Variants in SPIRE1 observed in about 807,000 individuals in gnomAD.
SPIRE1 encodes the protein protein spire homolog 1.
A neutral mutation model predicts 94.1 loss-of-function variants in SPIRE1; 40 were observed. That is an observed-to-expected ratio of 0.43 (90% confidence interval 0.33 to 0.55). SPIRE1 has a LOEUF of 0.55. SPIRE1 is among the 20% of genes least tolerant of loss of function. The probability of loss-of-function intolerance (pLI) is 0.06; values close to 1 mark genes in which losing one functional copy is unlikely to be tolerated. For synonymous variants in SPIRE1, 376 were observed against 371.7 expected, an observed-to-expected ratio of 1.01 and a Z score of -0.13; for missense variants, 838 against 975.2, an observed-to-expected ratio of 0.86 and a Z score of 1.87.
At chr18:12,655,152 A>C (rs2038503099) in intron 1 of SPIRE1, among the ~76,000 whole-genome samples, 1 of 152,022 alleles carries the variant, frequency 6.6e-6, no homozygotes, top group Non-Finnish European at 1.5e-5. Flanking sequence ...CAGGAGTTCC[A>C]GGCTGCAATG....
At chr18:12,606,437 A>G (rs2036978220) in intron 2 of SPIRE1, among the ~76,000 whole-genome samples, 1 of 152,202 alleles carries the variant, frequency 6.6e-6, no homozygotes, top group Non-Finnish European at 1.5e-5. Flanking sequence ...AAGGTGTCTG[A>G]TAACTTAACT....
intron 2 of SPIRE1, among the ~76,000 whole-genome samples, chr18:12,606,928 A>C (rs1314339809): frequency 6.6e-6 from 1 of 152,220 alleles, no homozygotes; most frequent in African/African-American, 2.4e-5. Context: ...CAATGGAATA[A>C]AACATAATTG....
intron 10 of SPIRE1, among the ~76,000 whole-genome samples, chr18:12,476,564 A>AAT (rs1261493981): frequency 0.011 from 776 of 69,778 alleles, 13 homozygotes; most frequent in South Asian, 0.016. Flanking sequence ...AAAAAAAAAA[A>AAT]ATATATATAT....
upstream of SPIRE1, among the ~76,000 whole-genome samples, chr18:12,660,241 A>G (rs143489549): frequency 2.0e-5 from 3 of 152,326 alleles, no homozygotes; most frequent in East Asian, 3.9e-4. Flanking sequence ...GGAAGTGAGT[A>G]AAGGAAATCC....
At chr18:12,650,217 C>G (rs895048894) in intron 1 of SPIRE1, among the ~76,000 whole-genome samples, 2 of 150,338 alleles carry the variant, frequency 1.3e-5, no homozygotes, top group African/African-American at 4.9e-5. Flanking sequence ...CCAGCCTGGG[C>G]AACAGACTAA....
chr18:12,465,106 G>C (rs1009612295), intron 10 of SPIRE1, 148 bp from the exon 11 acceptor site: 1 of 660,574 alleles, frequency 1.5e-6, no homozygotes. Context: ...AACTAGAAGG[G>C]GTTTCAAACA....
At chr18:12,561,764 T>A (rs12458000) in intron 2 of SPIRE1, among the ~76,000 whole-genome samples, 24,546 of 152,156 alleles carry the variant, frequency 0.16, 2,547 homozygotes, top group Middle Eastern at 0.26. Flanking sequence ...TGGGTCAGAA[T>A]CCTATAATCA....
intron 5 of SPIRE1, among the ~76,000 whole-genome samples, chr18:12,508,712 C>T (rs1429384248): frequency 4.8e-5 from 7 of 147,220 alleles, no homozygotes; most frequent in East Asian, 3.9e-4. Context: ...TTGCTCTTGT[C>T]GCCCCATGTT....
intron 2 of SPIRE1, among the ~76,000 whole-genome samples, chr18:12,573,652 G>A (rs942940777): frequency 5.9e-5 from 9 of 152,092 alleles, no homozygotes; most frequent in African/African-American, 1.9e-4. Context: ...TAACAGTAAT[G>A]ATGGACATGT....
intron 2 of SPIRE1, among the ~76,000 whole-genome samples, chr18:12,575,479 TGGG>T (rs2036071153): frequency 6.6e-6 from 1 of 152,100 alleles, no homozygotes; most frequent in Non-Finnish European, 1.5e-5. Flanking sequence ...CCTGAATAGC[TGGG>T]ACTACAGATG....
Position 12,447,666 on chromosome 18 carries a change from C to T in SPIRE1, c.*1972G>A, listed in dbSNP as rs1017639137. 1 of 152,104 alleles carries T rather than the reference C, an allele frequency of 6.6e-6. No individual in the cohort carries two copies. The highest frequency in any genetic ancestry group is 1.5e-5 in the Non-Finnish European group (1 of 68,020). The allele number at this position is 152,104 out of a possible 1,614,324, so 9.4% of individuals were successfully genotyped here. A position where few individuals can be genotyped will look rare whatever the true frequency, so the allele number is the denominator to read the frequency against. On this transcript the variant is annotated 3_prime_UTR_variant, in exon 17 of 17. Transcript: ENST00000409402. ...GAGGTGATCGTAATGCCCAAATCAT[C>T]CAATACACTATCATAAAGTGAAGTG... is the stretch of plus-strand genomic sequence containing the variant.
intron 12 of SPIRE1, among the ~76,000 whole-genome samples, chr18:12,461,484 A>ATGTATGTACATATGTACGTACATACATG (rs1568183909): frequency 2.1e-4 from 10 of 47,452 alleles, no homozygotes; most frequent in South Asian, 1.1e-3. Flanking sequence ...GTACATACAT[A>ATGTATGTACATATGTACGTACATACATG]TGTGTGTATG....
intron 2 of SPIRE1, among the ~76,000 whole-genome samples, chr18:12,609,137 G>C (rs567100081): frequency 6.6e-6 from 1 of 152,314 alleles, no homozygotes; most frequent in South Asian, 2.1e-4. Flanking sequence ...GCAGAAGGCA[G>C]AGCTCAGGTT....
Position 12,452,470 on chromosome 18 carries a change from C to A in SPIRE1, c.1875+15G>T. The A allele has an allele frequency of 6.2e-7, 1 of 1,614,028 alleles. No homozygotes were observed. The highest frequency in any genetic ancestry group is 8.5e-7 in the Non-Finnish European group (1 of 1,180,026). ...TAAAAGGAACACAAGTATAAATGAA[C>A]CAAGCTTAGCTTACCTTTTTGCAAC... On this transcript the variant is annotated intron_variant, in intron 15 of 16. Coordinates refer to ENST00000409402, the MANE Select transcript of SPIRE1 (RefSeq NM_001128626.2).
intron 10 of SPIRE1, among the ~76,000 whole-genome samples, chr18:12,477,412 C>T (rs181075619): frequency 2.0e-5 from 3 of 151,934 alleles, no homozygotes; most frequent in East Asian, 3.9e-4. Flanking sequence ...GAGTGGCTAC[C>T]GAATTGGAGC....
chr18:12,645,554 C>T (rs1315526565), intron 1 of SPIRE1, among the ~76,000 whole-genome samples: 3 of 152,128 alleles, frequency 2.0e-5, no homozygotes, highest in Non-Finnish European at 4.4e-5. Context: ...TCCATTCCTA[C>T]TGCCCTAATT....
intron 4 of SPIRE1, among the ~76,000 whole-genome samples, chr18:12,518,084 C>T (rs1231729335): frequency 5.3e-5 from 8 of 152,164 alleles, no homozygotes; most frequent in Admixed American, 6.5e-5. Context: ...GATCATGGCT[C>T]ACCGCAGCCT....
chr18:12,546,923 G>T lies in SPIRE1; in HGVS notation c.373-19C>A. 1 of 1,560,892 alleles carries T rather than the reference G, an allele frequency of 6.4e-7. No homozygotes were observed. Among genetic ancestry groups the T allele is most frequent in the Non-Finnish European group, 8.8e-7 (1 of 1,140,898 alleles). ...CAATGACCTAGGAACATTTAAAAAA[G>T]TGGTTAATGGAGATGAATGAAGAGC... On this transcript the variant is annotated intron_variant, in intron 2 of 16. Coordinates refer to ENST00000409402, the MANE Select transcript of SPIRE1 (RefSeq NM_001128626.2).
chr18:12,595,808 A>C (rs2036655903), intron 2 of SPIRE1, among the ~76,000 whole-genome samples: 1 of 152,248 alleles, frequency 6.6e-6, no homozygotes, highest in African/African-American at 2.4e-5. Context: ...AATACTATGG[A>C]AGTACTGAGG....
Sources: gnomAD v4.1 joint callset for allele counts (sites outside exome capture counted in the v4.1 genomes callset) on GRCh38, gnomAD v4.1.1 for gene constraint, MANE v1.5 for transcripts, NCBI Gene and HGNC (gene_info 2026-07-23, HGNC 2026-07-21) for gene names.